The following MYRIP variants were observed in gnomAD, a reference collection of about 807,000 sequenced individuals.
MYRIP encodes myosin VIIA and Rab interacting protein, also known as rab effector MyRIP.
Under a neutral mutation model 98.0 loss-of-function variants are expected in MYRIP, and 49 were observed. The ratio of observed to expected loss-of-function variants is 0.50; its 90% CI spans 0.40 to 0.63. The LOEUF (loss-of-function observed/expected upper bound fraction) is 0.63, where lower values mean the gene tolerates loss of function less well. Ranked by LOEUF, MYRIP falls within the 30% of genes least tolerant of loss-of-function variation. The pLI is 0.00. For missense variants in MYRIP, 1,004 were observed against 1,058.2 expected, an observed-to-expected ratio of 0.95 and a Z score of 0.71; for synonymous variants, 404 against 409.5, an observed-to-expected ratio of 0.99 and a Z score of 0.16.
chr3:40,061,552 T>C (rs1002660584), intron 3 of MYRIP, among the ~76,000 whole-genome samples: 4 of 152,228 alleles, frequency 2.6e-5, no homozygotes, highest in Admixed American at 6.5e-5. Flanking sequence ...CATACATGTG[T>C]ATGTGTCTTT....
chr3:39,856,162 C>T (rs565185100), intron 1 of MYRIP, among the ~76,000 whole-genome samples: 8 of 152,326 alleles, frequency 5.3e-5, no homozygotes, highest in African/African-American at 1.4e-4. Context: ...ACTTTGGGAA[C>T]TCACAGTTTT....
rs555220087 is a variant in MYRIP at position 39,957,163 on chromosome 3, T to C, written c.110+56237T>C. On this transcript the variant is annotated intron_variant, in intron 2 of 16. Transcript: ENST00000302541. ...CAATCAATAGAAAAAGAGGGAATCC[T>C]CCCTAACTCATTTTATGAGGCCAGC... Among the ~76,000 whole-genome samples the C allele has an allele frequency of 4.5e-4, 68 of 151,880 alleles. 5 individuals are homozygous for C. Among genetic ancestry groups the C allele is most frequent in the African/African-American group, 1.6e-3 (65 of 41,208 alleles).
At chr3:40,123,095 T>G (rs1396121825) in intron 3 of MYRIP, among the ~76,000 whole-genome samples, 1 of 152,208 alleles carries the variant, frequency 6.6e-6, no homozygotes, top group Non-Finnish European at 1.5e-5. Context: ...GGCTTTTGAC[T>G]ATTGTAATGA....
intron 1 of MYRIP, among the ~76,000 whole-genome samples, chr3:39,812,521 G>T (rs900253108): frequency 6.6e-6 from 1 of 152,188 alleles, no homozygotes; most frequent in Non-Finnish European, 1.5e-5. Flanking sequence ...GTCAATGGCG[G>T]CTGGTTTGTT....
At chr3:39,829,757 G>A (rs969044830) in intron 1 of MYRIP, among the ~76,000 whole-genome samples, 9 of 152,032 alleles carry the variant, frequency 5.9e-5, no homozygotes, top group African/African-American at 2.2e-4. Context: ...CAACTTATAT[G>A]CACTGAGAAA....
At chr3:40,014,145 T>C (rs1185237165) in intron 2 of MYRIP, among the ~76,000 whole-genome samples, 1 of 152,212 alleles carries the variant, frequency 6.6e-6, no homozygotes, top group Non-Finnish European at 1.5e-5. Context: ...TGATTTAAGA[T>C]TCTTATTTAA....
chr3:40,218,624 A>T (rs1388577709), intron 11 of MYRIP, among the ~76,000 whole-genome samples: 464 of 12,232 alleles, frequency 0.038, 10 homozygotes, highest in South Asian at 0.095. Context: ...ATATATATAT[A>T]TATATATATA....
At chr3:39,867,041 A>G (rs1328953563) in intron 1 of MYRIP, among the ~76,000 whole-genome samples, 1 of 152,188 alleles carries the variant, frequency 6.6e-6, no homozygotes. Flanking sequence ...ATAGATAACT[A>G]ATACCTAATA....
intron 3 of MYRIP, among the ~76,000 whole-genome samples, chr3:40,124,792 C>T (rs1178730807): frequency 6.6e-6 from 1 of 152,166 alleles, no homozygotes; most frequent in African/African-American, 2.4e-5. Flanking sequence ...GCACATAAAC[C>T]CCCACCTGGC....
intron 3 of MYRIP, among the ~76,000 whole-genome samples, chr3:40,074,486 T>C: frequency 6.6e-6 from 1 of 152,144 alleles, no homozygotes; most frequent in East Asian, 1.9e-4. Flanking sequence ...CCTAAATCTG[T>C]CCTCTGAGGA....
chr3:40,165,115 A>G (rs547035070), intron 5 of MYRIP, among the ~76,000 whole-genome samples: 1 of 152,358 alleles, frequency 6.6e-6, no homozygotes, highest in African/African-American at 2.4e-5. Context: ...AGTGTCTACC[A>G]CCAGGGAGCT....
chr3:40,154,249 G>A (rs1950173881), intron 4 of MYRIP, among the ~76,000 whole-genome samples: 2 of 152,078 alleles, frequency 1.3e-5, no homozygotes, highest in African/African-American at 2.4e-5. Flanking sequence ...GCTCCCAAGC[G>A]AACCTTTCTC....
At chr3:39,861,880 A>G (rs905207106) in intron 1 of MYRIP, among the ~76,000 whole-genome samples, 19 of 152,206 alleles carry the variant, frequency 1.2e-4, no homozygotes, top group Non-Finnish European at 2.8e-4. Context: ...GATGTCCCTG[A>G]AAAAGAGAGA....
At chr3:39,869,056 C>T (rs1413065676) in intron 1 of MYRIP, among the ~76,000 whole-genome samples, 1 of 152,138 alleles carries the variant, frequency 6.6e-6, no homozygotes, top group African/African-American at 2.4e-5. Context: ...TGAGTTTATC[C>T]TACCTGGAGT....
At chr3:39,891,844 G>A (rs1016689469) in intron 1 of MYRIP, among the ~76,000 whole-genome samples, 13 of 151,500 alleles carry the variant, frequency 8.6e-5, no homozygotes, top group African/African-American at 2.4e-4. Context: ...TTGTTATTTT[G>A]TAGAGATTCT....
chr3:39,886,521 A>G (rs1465075221), intron 1 of MYRIP, among the ~76,000 whole-genome samples: 1 of 151,632 alleles, frequency 6.6e-6, no homozygotes, highest in Admixed American at 6.6e-5. Context: ...AAAACAAAAA[A>G]AGGCAGGGGT....
chr3:40,222,101 C>T (rs1293666902), intron 11 of MYRIP, among the ~76,000 whole-genome samples: 2 of 152,132 alleles, frequency 1.3e-5, no homozygotes, highest in South Asian at 2.1e-4. Context: ...AAACTATAAT[C>T]GAAGCGGCAG....
rs1412210484 is a variant in MYRIP at position 39,886,590 on chromosome 3, A to G, written c.-30-14197A>G. ...ACCAACAAAGATCAAAAGAGACAAAAAAGGCCATTATGTAATGGTAAAGGG... is the reference window on the plus strand; with the variant it reads ...ACCAACAAAGATCAAAAGAGACAAAGAAGGCCATTATGTAATGGTAAAGGG... On this transcript the variant is annotated intron_variant, in intron 1 of 16. Transcript: ENST00000302541. Among the ~76,000 whole-genome samples the G allele has an allele frequency of 5.2e-4, 78 of 150,706 alleles. No individual in the cohort carries two copies. In the Middle Eastern group the frequency reaches 0.01, roughly 20 times the overall value.
At chr3:40,151,623 A>G (rs1950123744) in intron 4 of MYRIP, among the ~76,000 whole-genome samples, 1 of 152,200 alleles carries the variant, frequency 6.6e-6, no homozygotes, top group Non-Finnish European at 1.5e-5. Context: ...AAGGTGATGT[A>G]GTGGGAGAGT....
Sources: gnomAD v4.1 joint callset for allele counts (sites outside exome capture counted in the v4.1 genomes callset) on GRCh38, gnomAD v4.1.1 for gene constraint, MANE v1.5 for transcripts, NCBI Gene and HGNC (gene_info 2026-07-23, HGNC 2026-07-21) for gene names.